TG: variants seen among roughly 807,000 people sequenced by gnomAD.
TG encodes the protein thyroid hormones.
A neutral mutation model predicts 324.7 loss-of-function variants in TG; 270 were observed. The ratio of observed to expected loss-of-function variants is 0.83; its 90% confidence interval spans 0.75 to 0.92. The LOEUF is 0.92. Among genes scored for constraint, TG ranks in the 40% least tolerant of loss-of-function variants. The pLI is 0.00. For synonymous variants in TG, 1,401 were observed against 1,327.0 expected (o/e 1.06, Z -1.21); for missense variants, 3,591 against 3,456.4 (o/e 1.04, Z -0.98).
intron 27 of TG, among the ~76,000 whole-genome samples, chr8:132,954,791 C>T (rs1183842521): frequency 6.6e-6 from 1 of 152,184 alleles, no homozygotes; most frequent in African/African-American, 2.4e-5. Flanking sequence ...CATAGGGACT[C>T]AAGGGAACTT....
At chr8:132,876,703 C>T (rs1284683747) in intron 5 of TG, among the ~76,000 whole-genome samples, 1 of 152,162 alleles carries the variant, frequency 6.6e-6, no homozygotes, top group Non-Finnish European at 1.5e-5. Context: ...TTCACTGGTC[C>T]TTCTGACTCA....
intron 16 of TG, among the ~76,000 whole-genome samples, chr8:132,904,408 A>T (rs1818375206): frequency 1.3e-5 from 2 of 152,200 alleles, no homozygotes; most frequent in Non-Finnish European, 2.9e-5. Context: ...ATAATTTTGG[A>T]AGGATTTCAT....
At chr8:133,074,792 C>A (rs1408597015) in intron 41 of TG, 6 of 921,426 alleles carry the variant, frequency 6.5e-6, no homozygotes, top group Non-Finnish European at 7.8e-6. Flanking sequence ...CTGCCAACTG[C>A]GTGTTGAAGA....
chr8:133,035,094 T>C (rs1481775692), intron 41 of TG, among the ~76,000 whole-genome samples: 1 of 152,230 alleles, frequency 6.6e-6, no homozygotes, highest in African/African-American at 2.4e-5. Flanking sequence ...TCCTTGGTTA[T>C]CTATTGTTCC....
At chr8:133,108,086 A>G (rs1588117564) in intron 43 of TG, among the ~76,000 whole-genome samples, 1 of 142,500 alleles carries the variant, frequency 7.0e-6, no homozygotes. Context: ...GTTTCACCCC[A>G]TTCTCCTACC....
chr8:133,060,496 G>A, intron 41 of TG: 1 of 812,840 alleles, frequency 1.2e-6, no homozygotes, highest in Non-Finnish European at 1.8e-6. Flanking sequence ...AGCCACAGCA[G>A]GGTTTGTGTG....
At chr8:133,068,378 G>C (rs551020593) in intron 41 of TG, among the ~76,000 whole-genome samples, 6 of 152,324 alleles carry the variant, frequency 3.9e-5, no homozygotes, top group African/African-American at 1.4e-4. Context: ...TGGGCTTTAT[G>C]CTAAGACCAG....
At chr8:132,920,222 T>C (rs1276526341) in intron 21 of TG, among the ~76,000 whole-genome samples, 1 of 152,202 alleles carries the variant, frequency 6.6e-6, no homozygotes, top group Non-Finnish European at 1.5e-5. Context: ...TACTTAATAG[T>C]CCCCTGGGTA....
chr8:133,057,782 A>C (rs886394783), intron 41 of TG, among the ~76,000 whole-genome samples: 108 of 152,082 alleles, frequency 7.1e-4, no homozygotes, highest in African/African-American at 2.3e-3. Flanking sequence ...AACAAAAAAA[A>C]AAAAACAAAA....
intron 35 of TG, among the ~76,000 whole-genome samples, chr8:133,007,850 A>G (rs1461370848): frequency 2.6e-5 from 4 of 151,828 alleles, no homozygotes. Context: ...CTTCTAGTCA[A>G]ATCTTTAGAC....
chr8:133,052,262 T>A (rs1028069505), intron 41 of TG, among the ~76,000 whole-genome samples: 1 of 152,228 alleles, frequency 6.6e-6, no homozygotes, highest in Non-Finnish European at 1.5e-5. Context: ...GTTATGCTTA[T>A]CGATTGATAA....
chr8:132,934,339 A>C (rs959345696), intron 24 of TG, among the ~76,000 whole-genome samples: 11 of 152,158 alleles, frequency 7.2e-5, no homozygotes, highest in Non-Finnish European at 1.6e-4. Flanking sequence ...CCATCAAAAA[A>C]ACAAACAAAA....
intron 29 of TG, among the ~76,000 whole-genome samples, chr8:132,963,500 A>G (rs1828061300): frequency 6.6e-6 from 1 of 152,182 alleles, no homozygotes; most frequent in South Asian, 2.1e-4. Flanking sequence ...GAAAGCTGTG[A>G]TTCCAAACAT....
Position 133,049,830 on chromosome 8 carries a change from T to C in TG, c.7239+19807T>C, listed in dbSNP as rs1379010136. The C allele has an allele frequency of 1.3e-5, 13 of 1,004,418 alleles. No homozygotes were observed. In the East Asian group the frequency reaches 3.1e-4, roughly 24 times the overall value. The allele number at this position is 1,004,418 out of a possible 1,614,324, so 62.2% of individuals were successfully genotyped here. A position where few individuals can be genotyped will look rare whatever the true frequency, so the allele number is the denominator to read the frequency against. On this transcript the variant is annotated intron_variant, in intron 41 of 47. Transcript: ENST00000220616. ...TTCCTTACCACTATGAATGCTGGAA[T>C]CTTTGTTCCACCTTATGAGTCACCA...
intron 26 of TG, among the ~76,000 whole-genome samples, chr8:132,942,492 T>C (rs1298170810): frequency 1.3e-5 from 2 of 152,362 alleles, no homozygotes; most frequent in East Asian, 3.9e-4. Flanking sequence ...TATATCTTGT[T>C]ATGGTTCTCA....
intron 5 of TG, among the ~76,000 whole-genome samples, chr8:132,879,610 G>A (rs1814357863): frequency 6.6e-6 from 1 of 152,326 alleles, no homozygotes; most frequent in South Asian, 2.1e-4. Context: ...GGCAGCACAG[G>A]GTGTCTGTCC....
intron 41 of TG, among the ~76,000 whole-genome samples, chr8:133,052,971 C>T (rs1381249985): frequency 2.0e-5 from 3 of 146,908 alleles, no homozygotes; most frequent in Non-Finnish European, 4.7e-5. Flanking sequence ...GGACTAATGG[C>T]CCCCACATAT....
chr8:133,113,277 A>T, intron 43 of TG, 145 bp from the exon 44 acceptor site: 1 of 890,666 alleles, frequency 1.1e-6, no homozygotes, highest in Non-Finnish European at 1.8e-6. Flanking sequence ...TGGGATTCGA[A>T]CTCAGACAGT....
In TG at chr8:133,012,013, T is replaced by C. The variant is rs766204104; in HGVS notation, c.6375T>C (p.Ala2125=). The change falls in exon 36 of 48, where the codon GCT becomes GCC. Residue 2125 remains alanine (A), a synonymous_variant. Transcript: ENST00000220616. ...VSTAATSNFS[A]VRDLCLSECS... ...CTGCTGCCACCAGCAATTTCTCTGC[T>C]GTCCGAGACCTCTGTTTGTCGGGTA... The C allele has an allele frequency of 3.1e-6, 5 of 1,614,238 alleles. No homozygotes were observed. Among genetic ancestry groups the C allele is most frequent in the Non-Finnish European group, 4.2e-6 (5 of 1,180,040 alleles).
Sources: gnomAD v4.1 joint callset for allele counts (sites outside exome capture counted in the v4.1 genomes callset) on GRCh38, gnomAD v4.1.1 for gene constraint, MANE v1.5 for transcripts, NCBI Gene and HGNC (gene_info 2026-07-23, HGNC 2026-07-21) for gene names.